UPF1: variants seen among roughly 807,000 people sequenced by gnomAD.
UPF1 encodes the protein UPF1 RNA helicase and ATPase.
Under a neutral mutation model 129.2 loss-of-function variants are expected in UPF1, and 9 were observed. That is an observed-to-expected ratio of 0.07 (90% CI 0.04 to 0.12). UPF1 has a LOEUF of 0.12. Among genes scored for constraint, UPF1 ranks in the 10% least tolerant of loss-of-function variants. The pLI, the probability that UPF1 is intolerant of heterozygous loss-of-function variation, is 1.00. For missense variants in UPF1, 788 were observed against 1,525.3 expected, an observed-to-expected ratio of 0.52 and a Z score of 8.05; for synonymous variants, 649 against 644.9, an observed-to-expected ratio of 1.01 and a Z score of -0.10.
chr19:18,865,294 C>A lies in UPF1; in HGVS notation c.2863C>A (p.Pro955Thr). 6.2e-7 allele frequency: 1 copy of A among 1,601,698 alleles called. No homozygotes were observed. The highest frequency in any genetic ancestry group is 1.1e-5 in the South Asian group (1 of 90,838). The change falls in exon 21 of 24, where the codon CCT becomes ACT. Residue 955 changes from proline (P) to threonine (T), a missense_variant. This residue lies in a region of UPF1 where 218 missense variants were observed against 318.1 expected (regional missense o/e 0.69). Coordinates refer to ENST00000262803, the MANE Select transcript of UPF1 (RefSeq NM_002911.4). This position sits in a 1 kb window ranked among gnomAD's most constrained non-coding sequence, Gnocchi z 6.1. Reference protein sequence around the residue: ...SVYDRSSQGRPSSMYFQTHDQ... With the variant: ...SVYDRSSQGRTSSMYFQTHDQ... ...TGTTCCACTGTGATTTGCAGGCCGG[C>A]CTTCCAGCATGTACTTCCAGACCCA... is the stretch of plus-strand genomic sequence containing the variant.
At position 18,854,665 on chromosome 19, in the gene UPF1, C is replaced by G; in HGVS notation, c.1221C>G (p.His407Gln). 1.2e-6 allele frequency: 2 copies of G among 1,614,116 alleles called. No homozygotes were observed. The highest frequency in any genetic ancestry group is 1.7e-6 in the Non-Finnish European group (2 of 1,180,026). Reference protein sequence around the residue: ...SSVGAPVEVTHNFQVDFVWKS... With the variant: ...SSVGAPVEVTQNFQVDFVWKS... ...TGGGTGCACCTGTGGAGGTGACTCA[C>G]AACTTCCAGGTGGATTTTGTGTGGA... Residue 407 changes from histidine to glutamine, a missense_variant, in exon 9 of 24, where the codon CAC (histidine) becomes CAG (glutamine). Around this residue, in one of 6 missense-constraint regions of UPF1, gnomAD observed 227 missense variants for 517.9 expected, o/e 0.44. Coordinates refer to ENST00000262803, the MANE Select transcript of UPF1 (RefSeq NM_002911.4).
intron 15 of UPF1, 84 bp from the exon 16 acceptor site, chr19:18,860,237 G>A (rs541587028): frequency 3.7e-5 from 51 of 1,388,580 alleles, no homozygotes; most frequent in Admixed American, 5.2e-5. Context: ...GCACTGTAGC[G>A]TAGCAACTAC....
chr19:18,843,749 G>GTGTGT (rs1555698327), intron 1 of UPF1, among the ~76,000 whole-genome samples: 1 of 148,464 alleles, frequency 6.7e-6, no homozygotes, highest in African/African-American at 2.5e-5. Flanking sequence ...GTGTGTGTGT[G>GTGTGT]TGTTGTTGTT....
chr19:18,833,637 TCA>T (rs148469032), intron 1 of UPF1, among the ~76,000 whole-genome samples: 5,105 of 152,122 alleles, frequency 0.034, 251 homozygotes, highest in African/African-American at 0.12. Flanking sequence ...CAGGTTGCTT[TCA>T]CCTTAGGCTT....
chr19:18,833,559 G>GA (rs2055451762), intron 1 of UPF1, among the ~76,000 whole-genome samples: 1 of 151,738 alleles, frequency 6.6e-6, no homozygotes, highest in African/African-American at 2.4e-5. Flanking sequence ...TGGGGTGGGA[G>GA]AGGGGCTGGG....
chr19:18,848,026 TTC>T, intron 3 of UPF1, 193 bp downstream of exon 3: 3 of 538,562 alleles, frequency 5.6e-6, no homozygotes, highest in Non-Finnish European at 6.6e-6. Context: ...CCTTGATTTA[TTC>T]TCTGTGGCTC....
Position 18,868,152 on chromosome 19 carries a change from A to C in UPF1, c.*1635A>C. 4.3e-6 allele frequency: 1 copy of C among 232,732 alleles called. No homozygotes were observed. The highest frequency in any genetic ancestry group is 5.6e-5 in the South Asian group (1 of 17,742). 14.4% of individuals were successfully genotyped at this position (232,732 alleles called of 1,614,324 possible). ...GCCTTGACAAACCCAGGCGCACTGT[A>C]CCAAGGCAATGTAACTTTTGATTTT... On this transcript the variant is annotated 3_prime_UTR_variant, in exon 24 of 24. Transcript: ENST00000262803.
In UPF1 at chr19:18,832,465, A is replaced by T. The variant is rs568993718; in HGVS notation, c.231+25A>T. On this transcript the variant is annotated intron_variant, in intron 1 of 23. Transcript: ENST00000262803. This position sits in a 1 kb window ranked among gnomAD's most constrained non-coding sequence, Gnocchi z 5.6. ...GGTGAGCGGCACATGGCGGTGCCGGAAGCCCGGGCCCGGCCTCGGCGCCTG... is the reference window on the plus strand; with the variant it reads ...GGTGAGCGGCACATGGCGGTGCCGGTAGCCCGGGCCCGGCCTCGGCGCCTG... 3,621 of 997,656 alleles carry T rather than the reference A, an allele frequency of 3.6e-3. No homozygotes were observed. The highest frequency in any genetic ancestry group is 6.1e-3 in the South Asian group (136 of 22,120). 61.8% of individuals were successfully genotyped at this position (997,656 alleles called of 1,614,324 possible).
chr19:18,859,021 C>T (rs927810172), intron 15 of UPF1, among the ~76,000 whole-genome samples: 3 of 152,168 alleles, frequency 2.0e-5, no homozygotes, highest in Non-Finnish European at 2.9e-5. Context: ...GAGCCCACCC[C>T]CCGGGTTGGG....
Position 18,865,585 on chromosome 19 carries a change from C to T in UPF1, c.3044C>T (p.Thr1015Ile), listed in dbSNP as rs1052184102. ...AAGRGTPKGK[T>I]GRGGRQKNRF... ...GGGCGAGGCACCCCGAAAGGCAAGA[C>T]TGGTCGTGGGGGACGCCAGAAGAAC... The change falls in exon 22 of 24, where the codon ACT becomes ATT. Residue 1015 changes from threonine (T) to isoleucine (I), a missense_variant. By Grantham distance (89) the Thr-to-Ile change is moderately conservative. Transcript: ENST00000262803. The surrounding 1 kb of genome is among the most constrained non-coding windows in gnomAD (Gnocchi z 6.1). 1 of 1,613,958 alleles carries T rather than the reference C, an allele frequency of 6.2e-7. No homozygotes were observed. Among genetic ancestry groups the T allele is most frequent in the African/African-American group, 1.3e-5 (1 of 75,078 alleles).
At chr19:18,866,250 G>A in intron 23 of UPF1, 84 bp downstream of exon 23, 1 of 1,453,174 alleles carries the variant, frequency 6.9e-7, no homozygotes, top group African/African-American at 1.4e-5. Context: ...AGCTGCACTG[G>A]AGGGGTGGTA....
At chr19:18,858,657 C>T (rs1053692648) in intron 15 of UPF1, among the ~76,000 whole-genome samples, 12 of 152,060 alleles carry the variant, frequency 7.9e-5, no homozygotes, top group Admixed American at 5.9e-4. Flanking sequence ...TTCCCCACAG[C>T]GTCCCCAGAG....
In UPF1 at chr19:18,865,515, C is replaced by T. The variant is rs765060137; in HGVS notation, c.3020-46C>T. On this transcript the variant is annotated intron_variant, in intron 21 of 23. Transcript: ENST00000262803. The surrounding 1 kb of genome is among the most constrained non-coding windows in gnomAD (Gnocchi z 6.1). ...GAGCTCTTGAGGGTGTGCTTGTCTG[C>T]GAGGCCCTGGCCTCCTTCGGATCAC... is the stretch of plus-strand genomic sequence containing the variant. 48 of 1,612,264 alleles carry T rather than the reference C, an allele frequency of 3.0e-5. No homozygotes were observed. The highest frequency in any genetic ancestry group is 3.9e-5 in the Non-Finnish European group (46 of 1,178,898).
rs2055873629 is a variant in UPF1 at position 18,867,841 on chromosome 19, T to A, written c.*1324T>A. 1 of 152,282 alleles carries A rather than the reference T, an allele frequency of 6.6e-6. No homozygotes were observed. The highest frequency in any genetic ancestry group is 6.5e-5 in the Admixed American group (1 of 15,284). 9.4% of individuals were successfully genotyped at this position (152,282 alleles called of 1,614,324 possible). A position where few individuals can be genotyped will look rare whatever the true frequency, so the allele number is the denominator to read the frequency against. On this transcript the variant is annotated 3_prime_UTR_variant, in exon 24 of 24. Coordinates refer to ENST00000262803, the MANE Select transcript of UPF1 (RefSeq NM_002911.4). ...GCTTCCCCTGCCCCGGGCCTGGGGC[T>A]GTCACTGGCCCTGATCCGAACACCT...
intron 15 of UPF1, among the ~76,000 whole-genome samples, chr19:18,858,524 C>T (rs2055742518): frequency 6.6e-6 from 1 of 152,116 alleles, no homozygotes; most frequent in Non-Finnish European, 1.5e-5. Context: ...TGTCACAGGC[C>T]TGCAGAAACC....
chr19:18,860,216 C>T (rs1019403699), intron 15 of UPF1, 105 bp from the exon 16 acceptor site: 2 of 1,216,186 alleles, frequency 1.6e-6, no homozygotes, highest in African/African-American at 1.5e-5. Context: ...TCTCCTGCCC[C>T]AGGACCTGCA....
At position 18,866,698 on chromosome 19, in the gene UPF1, G is replaced by T. The variant is rs1259947994; in HGVS notation, c.*181G>T. 6.6e-6 allele frequency: 1 copy of T among 152,582 alleles called. No individual in the cohort carries two copies. The highest frequency in any genetic ancestry group is 1.5e-5 in the Non-Finnish European group (1 of 68,108). 9.5% of individuals were successfully genotyped at this position (152,582 alleles called of 1,614,324 possible). On this transcript the variant is annotated 3_prime_UTR_variant, in exon 24 of 24. Coordinates refer to ENST00000262803, the MANE Select transcript of UPF1 (RefSeq NM_002911.4). ...AGCCGAGGCCGAGCGCCCCCTGCTGGCCCGCGGCGGCGAGGAGCAGAGGGA... is the reference window on the plus strand; with the variant it reads ...AGCCGAGGCCGAGCGCCCCCTGCTGTCCCGCGGCGGCGAGGAGCAGAGGGA...
intron 15 of UPF1, among the ~76,000 whole-genome samples, chr19:18,859,205 T>C (rs1446164134): frequency 6.6e-6 from 1 of 152,168 alleles, no homozygotes; most frequent in East Asian, 1.9e-4. Context: ...CGGCGCAGGC[T>C]CAGACCCCTC....
At chr19:18,862,298 C>G in intron 18 of UPF1, 146 bp downstream of exon 18, 1 of 1,337,016 alleles carries the variant, frequency 7.5e-7, no homozygotes, top group Admixed American at 2.6e-5. Context: ...CTGGAGAGAT[C>G]TTTGTTTCCG....
Sources: allele counts gnomAD v4.1 joint callset (sites outside exome capture counted in the v4.1 genomes callset), GRCh38; gene constraint gnomAD v4.1.1; regional missense constraint gnomAD v4.1.1; non-coding constraint Gnocchi (gnomAD v3.1); transcripts MANE v1.5; gene names NCBI Gene and HGNC (gene_info 2026-07-23, HGNC 2026-07-21).